FAF1: variants seen among roughly 807,000 people sequenced by gnomAD.
FAF1 encodes FAS-associated factor 1.
FAF1 carries 25 observed loss-of-function variants against 92.5 expected under a neutral mutation model. The observed-to-expected ratio is 0.27, with a 90% CI of 0.20 to 0.38. FAF1 has a LOEUF of 0.38. Ranked by LOEUF, FAF1 falls within the 10% of genes least tolerant of loss-of-function variation. FAF1 has a pLI of 1.00. For synonymous variants in FAF1, 234 were observed against 273.2 expected (o/e 0.86, Z 1.42); for missense variants, 636 against 793.3 (o/e 0.80, Z 2.38).
intron 4 of FAF1, among the ~76,000 whole-genome samples, chr1:50,746,247 CATATATATATATATATATATATATATAT>C (rs762650119): frequency 9.0e-4 from 36 of 39,904 alleles, no homozygotes; most frequent in South Asian, 8.7e-3. Flanking sequence ...CTGAAACGAA[CATATATATATATATATATATATATATAT>C]ATATATATAT....
At chr1:50,530,874 A>G (rs1365361973) in intron 15 of FAF1, among the ~76,000 whole-genome samples, 1 of 152,300 alleles carries the variant, frequency 6.6e-6, no homozygotes, top group East Asian at 1.9e-4. Flanking sequence ...TTAGCTCTGC[A>G]AACAGAAGGG....
chr1:50,671,248 T>C (rs1199449005), intron 7 of FAF1, among the ~76,000 whole-genome samples: 2 of 151,820 alleles, frequency 1.3e-5, no homozygotes, highest in Non-Finnish European at 2.9e-5. Context: ...CTACTAAAAA[T>C]ACAAAATTTA....
intron 18 of FAF1, chr1:50,469,565 C>A (rs1646544406): frequency 6.6e-6 from 1 of 152,058 alleles, no homozygotes; most frequent in Non-Finnish European, 1.5e-5. Flanking sequence ...TGGACTTTTT[C>A]TGCAGGCCAT....
chr1:50,554,390 T>TATAGAGAGAGAGAGAGAG, intron 13 of FAF1, among the ~76,000 whole-genome samples: 81 of 93,672 alleles, frequency 8.6e-4, no homozygotes, highest in African/African-American at 3.1e-3. Context: ...TATATATATA[T>TATAGAGAGAGAGAGAGAG]AGAGAGAGAG....
chr1:50,724,264 T>C (rs1658533516), intron 6 of FAF1, among the ~76,000 whole-genome samples: 1 of 130,108 alleles, frequency 7.7e-6, no homozygotes, highest in African/African-American at 3.3e-5. Context: ...AACAACCATA[T>C]ATATATACAT....
chr1:50,893,256 G>T (rs183960404), intron 1 of FAF1, among the ~76,000 whole-genome samples: 1 of 152,200 alleles, frequency 6.6e-6, no homozygotes, highest in African/African-American at 2.4e-5. Flanking sequence ...ATGTTTGCTG[G>T]TGTCTGGGCA....
At chr1:50,857,885 T>G in intron 2 of FAF1, 44 bp downstream of exon 2, 2 of 1,191,476 alleles carry the variant, frequency 1.7e-6, no homozygotes, top group Non-Finnish European at 2.4e-6. Flanking sequence ...ATTCAAGAAT[T>G]CATAAAATTT....
intron 2 of FAF1, among the ~76,000 whole-genome samples, chr1:50,836,382 T>C (rs1399674223): frequency 6.6e-6 from 1 of 152,006 alleles, no homozygotes; most frequent in African/African-American, 2.4e-5. Context: ...AGTAGCATTA[T>C]TAAACTGTAG....
chr1:50,521,609 A>G lies in FAF1; in HGVS notation c.1494+13760T>C, dbSNP rs560351418. On this transcript the variant is annotated intron_variant, in intron 15 of 18. Coordinates refer to ENST00000396153, the MANE Select transcript of FAF1 (RefSeq NM_007051.3). ...AGATATATTACCCCCAAAGTCAGCT[A>G]ATATTTCATAACTAGAAAATTAAAC... Among the ~76,000 whole-genome samples, 3 of 152,364 alleles carry G rather than the reference A, an allele frequency of 2.0e-5. No individual in the cohort carries two copies. In the South Asian group the frequency reaches 6.2e-4, roughly 32 times the overall value.
intron 2 of FAF1, among the ~76,000 whole-genome samples, chr1:50,803,512 CT>C (rs1662078889): frequency 6.6e-6 from 1 of 152,140 alleles, no homozygotes; most frequent in South Asian, 2.1e-4. Flanking sequence ...AAAGTCCTAC[CT>C]TTTTGTTTCT....
At chr1:50,661,540 C>T (rs997211659) in intron 7 of FAF1, among the ~76,000 whole-genome samples, 6 of 152,144 alleles carry the variant, frequency 3.9e-5, no homozygotes, top group African/African-American at 9.7e-5. Context: ...ATTCTTTTAT[C>T]ATTCTTAGAA....
At chr1:50,649,575 T>C (rs1401793312) in intron 8 of FAF1, among the ~76,000 whole-genome samples, 2 of 152,176 alleles carry the variant, frequency 1.3e-5, no homozygotes, top group Non-Finnish European at 2.9e-5. Context: ...GCTTTGATTC[T>C]AAAATTCCTA....
At chr1:50,721,316 G>C (rs897688916) in intron 6 of FAF1, among the ~76,000 whole-genome samples, 2 of 152,044 alleles carry the variant, frequency 1.3e-5, no homozygotes, top group Non-Finnish European at 2.9e-5. Flanking sequence ...CCAGGTTCAA[G>C]CAATTCTCCT....
rs367691732 is a variant in FAF1, at chr1:50,787,409, G to C, written c.367+591C>G. On this transcript the variant is annotated intron_variant, in intron 4 of 18. Transcript: ENST00000396153. ...TTAGATGCCCTTATAAAAAGAGTTT[G>C]ATGAAGGGAGTCTGTCCCTTTTGCC... Among the ~76,000 whole-genome samples, 83 of 152,288 alleles carry C rather than the reference G, an allele frequency of 5.5e-4. 1 individual carries two copies. The East Asian group carries it at 0.012, about 22-fold the overall frequency.
intron 8 of FAF1, among the ~76,000 whole-genome samples, chr1:50,639,585 T>G (rs1654221783): frequency 6.6e-6 from 1 of 152,194 alleles, no homozygotes; most frequent in Non-Finnish European, 1.5e-5. Context: ...TGCATAACTC[T>G]TTTTGTTCTT....
chr1:50,802,551 C>A (rs539010338), intron 2 of FAF1, among the ~76,000 whole-genome samples: 13 of 152,272 alleles, frequency 8.5e-5, no homozygotes, highest in Non-Finnish European at 1.8e-4. Flanking sequence ...TCTGAGCTAA[C>A]AAGTTACCAA....
intron 8 of FAF1, among the ~76,000 whole-genome samples, chr1:50,620,938 T>C (rs549669129): frequency 2.6e-4 from 39 of 152,324 alleles, no homozygotes; most frequent in African/African-American, 8.4e-4. Flanking sequence ...GCATTTTCTT[T>C]TGTTAGGTGT....
At chr1:50,819,752 CATATATATAT>C (rs1170496723) in intron 2 of FAF1, among the ~76,000 whole-genome samples, 2 of 20,624 alleles carry the variant, frequency 9.7e-5, no homozygotes, top group African/African-American at 1.6e-4. Flanking sequence ...TATATATATA[CATATATATAT>C]ACGTATATAT....
intron 8 of FAF1, among the ~76,000 whole-genome samples, chr1:50,640,948 C>T (rs768831726): frequency 4.6e-5 from 7 of 151,018 alleles, no homozygotes; most frequent in Admixed American, 3.3e-4. Context: ...ATTCTCCTGC[C>T]TCAGCCTCCT....
Sources: allele counts gnomAD v4.1 joint callset (sites outside exome capture counted in the v4.1 genomes callset), GRCh38; gene constraint gnomAD v4.1.1; transcripts MANE v1.5; gene names NCBI Gene and HGNC (gene_info 2026-07-23, HGNC 2026-07-21).